The following OXR1 variants were observed in gnomAD, a reference collection of about 807,000 sequenced individuals.
OXR1 encodes the protein oxidation resistance 1, also known as oxidation resistance protein 1.
OXR1 carries 41 observed loss-of-function variants against 104.6 expected under a neutral mutation model. The observed-to-expected ratio is 0.39, with a 90% CI of 0.31 to 0.51. The LOEUF is 0.51. OXR1 is among the 20% of genes least tolerant of loss of function. The probability of loss-of-function intolerance (pLI) is 0.77; values close to 1 mark genes in which losing one functional copy is unlikely to be tolerated. For missense variants in OXR1, 955 were observed against 1,031.9 expected, an observed-to-expected ratio of 0.93 and a Z score of 1.02; for synonymous variants, 348 against 348.4, an observed-to-expected ratio of 1.00 and a Z score of 0.01.
In OXR1 at chr8:106,273,716, A is replaced by G. The variant is rs77406023; in HGVS notation, c.-139+3349A>G. Among the ~76,000 whole-genome samples, 1,282 of 152,334 alleles carry G rather than the reference A, an allele frequency of 8.4e-3. 20 individuals are homozygous for G. The highest frequency in any genetic ancestry group is 0.028 in the African/African-American group (1,182 of 41,568). ...GTTAATAAGAGACTTTCTTTGCAAA[A>G]TGGTCCATATTCAAAAACACTTGTT... is the stretch of plus-strand genomic sequence containing the variant. On this transcript the variant is annotated intron_variant, in intron 1 of 16. Coordinates refer to ENST00000517566, the MANE Select transcript of OXR1 (RefSeq NM_001198533.2).
At chr8:106,499,511 T>A (rs1811640009) in intron 2 of OXR1, among the ~76,000 whole-genome samples, 1 of 152,190 alleles carries the variant, frequency 6.6e-6, no homozygotes, top group Non-Finnish European at 1.5e-5. Flanking sequence ...TCTCTGTATA[T>A]TTAGAGGGTT....
At chr8:106,705,978 A>T (rs1180943080) in intron 8 of OXR1, among the ~76,000 whole-genome samples, 1 of 152,032 alleles carries the variant, frequency 6.6e-6, no homozygotes, top group Non-Finnish European at 1.5e-5. Flanking sequence ...TTTTTACTTT[A>T]TTGGGAGATT....
intron 3 of OXR1, among the ~76,000 whole-genome samples, chr8:106,522,288 A>G (rs1290995351): frequency 2.0e-5 from 3 of 152,210 alleles, no homozygotes; most frequent in Non-Finnish European, 4.4e-5. Context: ...AAATGGCATA[A>G]TATATGCATA....
At chr8:106,366,313 T>G (rs908960715) in intron 2 of OXR1, among the ~76,000 whole-genome samples, 3 of 152,212 alleles carry the variant, frequency 2.0e-5, no homozygotes, top group African/African-American at 7.2e-5. Context: ...CACCAATATT[T>G]CCTTAGACTG....
chr8:106,518,778 G>A (rs990548527), intron 2 of OXR1, among the ~76,000 whole-genome samples, 165 bp from the exon 3 acceptor site: 8 of 152,060 alleles, frequency 5.3e-5, no homozygotes, highest in African/African-American at 1.9e-4. Context: ...AAAAATATTT[G>A]TAGAATTTTT....
intron 2 of OXR1, among the ~76,000 whole-genome samples, chr8:106,394,963 C>G (rs1011574900): frequency 5.7e-5 from 5 of 87,908 alleles, no homozygotes; most frequent in Non-Finnish European, 1.3e-4. Context: ...AGAAAGAAAT[C>G]TAACGTTTAC....
chr8:106,649,484 T>TA (rs1824366388), intron 3 of OXR1, among the ~76,000 whole-genome samples: 1 of 146,846 alleles, frequency 6.8e-6, no homozygotes, highest in South Asian at 2.1e-4. Flanking sequence ...AAACATCTAG[T>TA]AAAAAATAAT....
At chr8:106,405,045 G>A (rs1338122029) in intron 2 of OXR1, among the ~76,000 whole-genome samples, 3 of 151,590 alleles carry the variant, frequency 2.0e-5, no homozygotes, top group African/African-American at 4.8e-5. Flanking sequence ...TCTGTTGCCA[G>A]ATCAAACATG....
chr8:106,610,202 A>T (rs1197830625), intron 3 of OXR1, among the ~76,000 whole-genome samples: 1 of 151,868 alleles, frequency 6.6e-6, no homozygotes, highest in Non-Finnish European at 1.5e-5. Flanking sequence ...GTCCCCACCA[A>T]CACTGCTACA....
intron 3 of OXR1, among the ~76,000 whole-genome samples, chr8:106,665,261 T>G (rs1826163423): frequency 6.6e-6 from 1 of 151,952 alleles, no homozygotes; most frequent in African/African-American, 2.4e-5. Context: ...AACACACTAA[T>G]TAAGCTAATG....
At chr8:106,421,977 G>A (rs1278904681) in intron 2 of OXR1, among the ~76,000 whole-genome samples, 1 of 152,098 alleles carries the variant, frequency 6.6e-6, no homozygotes, top group African/African-American at 2.4e-5. Flanking sequence ...AGAGGCTAGA[G>A]AAGTTGCATC....
intron 3 of OXR1, among the ~76,000 whole-genome samples, chr8:106,543,470 G>A (rs1193383730): frequency 1.3e-5 from 2 of 152,126 alleles, no homozygotes; most frequent in Non-Finnish European, 2.9e-5. Context: ...TTTATGAAAA[G>A]CTACTGCCTT....
chr8:106,728,995 G>T (rs1833611682), intron 11 of OXR1, among the ~76,000 whole-genome samples: 1 of 152,118 alleles, frequency 6.6e-6, no homozygotes, highest in Admixed American at 6.5e-5. Context: ...ATCTGTTCAA[G>T]AATTAGCTGA....
intron 2 of OXR1, chr8:106,448,130 C>G: frequency 7.1e-7 from 1 of 1,417,458 alleles, no homozygotes; most frequent in Non-Finnish European, 9.6e-7. Context: ...TATAAAATAG[C>G]TCTCTGATTT....
intron 3 of OXR1, among the ~76,000 whole-genome samples, chr8:106,548,487 G>A (rs917591343): frequency 3.3e-5 from 5 of 152,054 alleles, no homozygotes; most frequent in African/African-American, 1.2e-4. Context: ...AAAGAGAGAA[G>A]AAAATTATAA....
chr8:106,357,277 C>G (rs1816012744), intron 1 of OXR1, among the ~76,000 whole-genome samples: 1 of 151,640 alleles, frequency 6.6e-6, no homozygotes, highest in Admixed American at 6.6e-5. Flanking sequence ...GGCAATACAG[C>G]TTGGAAACTT....
At chr8:106,579,607 T>C (rs1313504186) in intron 3 of OXR1, among the ~76,000 whole-genome samples, 1 of 152,052 alleles carries the variant, frequency 6.6e-6, no homozygotes, top group Non-Finnish European at 1.5e-5. Context: ...CCCCATAGGG[T>C]AGGCATCACC....
chr8:106,647,108 T>C (rs370835155), intron 3 of OXR1, among the ~76,000 whole-genome samples: 1 of 152,246 alleles, frequency 6.6e-6, no homozygotes, highest in East Asian at 1.9e-4. Context: ...ATTATAATTG[T>C]TAACGATGCT....
chr8:106,340,569 C>A (rs1282701667), intron 1 of OXR1, among the ~76,000 whole-genome samples: 2 of 152,120 alleles, frequency 1.3e-5, no homozygotes, highest in Non-Finnish European at 2.9e-5. Flanking sequence ...TTCTTCATAG[C>A]ATTTATGATT....
Sources: allele counts gnomAD v4.1 joint callset (sites outside exome capture counted in the v4.1 genomes callset), GRCh38; gene constraint gnomAD v4.1.1; transcripts MANE v1.5; gene names NCBI Gene and HGNC (gene_info 2026-07-23, HGNC 2026-07-21).